SGCD: variants seen among roughly 807,000 people sequenced by gnomAD.
SGCD encodes delta-sarcoglycan.
SGCD carries 18 observed loss-of-function variants against 36.6 expected under a neutral mutation model. The observed-to-expected ratio is 0.49, with a 90% CI of 0.34 to 0.73. SGCD has a LOEUF of 0.73. SGCD is among the 30% of genes least tolerant of loss of function. The pLI is 0.01. For synonymous variants in SGCD, 133 were observed against 130.6 expected (o/e 1.02, Z -0.12); for missense variants, 387 against 346.7 (o/e 1.12, Z -0.92).
At chr5:156,618,853 T>C (rs1048560299) in intron 6 of SGCD, among the ~76,000 whole-genome samples, 1 of 151,902 alleles carries the variant, frequency 6.6e-6, no homozygotes, top group Admixed American at 6.6e-5. Context: ...TCCACAACCA[T>C]CCCAAGCAGC....
intron 1 of SGCD, among the ~76,000 whole-genome samples, chr5:156,112,131 C>G (rs1238268437): frequency 6.6e-6 from 1 of 152,046 alleles, no homozygotes; most frequent in East Asian, 1.9e-4. Flanking sequence ...TTTTATAAAC[C>G]ATTTTCTCCT....
chr5:155,944,776 C>T (rs1273552281), intron 1 of SGCD, among the ~76,000 whole-genome samples: 1 of 152,016 alleles, frequency 6.6e-6, no homozygotes, highest in Non-Finnish European at 1.5e-5. Context: ...AATTTGTTTC[C>T]AACTTCGGGT....
chr5:156,605,665 A>G (rs1240802870), intron 6 of SGCD, among the ~76,000 whole-genome samples: 1 of 152,214 alleles, frequency 6.6e-6, no homozygotes, highest in African/African-American at 2.4e-5. Context: ...AGTCCCACCA[A>G]CAGTGTAAAA....
At chr5:156,628,612 A>G (rs1051112438) in intron 6 of SGCD, among the ~76,000 whole-genome samples, 2 of 152,240 alleles carry the variant, frequency 1.3e-5, no homozygotes, top group Non-Finnish European at 2.9e-5. Context: ...ATCTTTGACA[A>G]GTAAAACTGA....
intron 3 of SGCD, among the ~76,000 whole-genome samples, chr5:156,462,070 A>G (rs1464956178): frequency 2.0e-5 from 3 of 152,210 alleles, no homozygotes; most frequent in Non-Finnish European, 4.4e-5. Flanking sequence ...TCAATTATAT[A>G]ATGACTCAGA....
chr5:156,216,200 C>T (rs1027491852), intron 3 of SGCD, among the ~76,000 whole-genome samples: 11 of 151,932 alleles, frequency 7.2e-5, no homozygotes, highest in Non-Finnish European at 1.5e-4. Flanking sequence ...TGTTGGTAAA[C>T]TGATAAAAAA....
At chr5:156,456,885 T>C (rs1389319012) in intron 3 of SGCD, among the ~76,000 whole-genome samples, 1 of 152,240 alleles carries the variant, frequency 6.6e-6, no homozygotes, top group Non-Finnish European at 1.5e-5. Context: ...TTAGTAATTA[T>C]AAATGGTTTG....
intron 6 of SGCD, among the ~76,000 whole-genome samples, chr5:156,624,972 T>A (rs901715767): frequency 1.3e-5 from 2 of 152,210 alleles, no homozygotes; most frequent in South Asian, 2.1e-4. Context: ...GTCATTTGAT[T>A]TGATTCCTAA....
At chr5:156,398,325 C>T (rs887005422) in intron 3 of SGCD, among the ~76,000 whole-genome samples, 1 of 152,146 alleles carries the variant, frequency 6.6e-6, no homozygotes, top group African/African-American at 2.4e-5. Context: ...AAGAGCCTCC[C>T]TCTAGGTTTG....
At chr5:156,087,423 G>A (rs1427000259) in intron 1 of SGCD, among the ~76,000 whole-genome samples, 2 of 152,056 alleles carry the variant, frequency 1.3e-5, no homozygotes, top group African/African-American at 4.8e-5. Flanking sequence ...TGGATCACCT[G>A]AGGTCAGGAG....
At chr5:156,006,815 T>C (rs1758767666) in intron 1 of SGCD, among the ~76,000 whole-genome samples, 1 of 152,204 alleles carries the variant, frequency 6.6e-6, no homozygotes, top group Admixed American at 6.5e-5. Context: ...AGCAGTCTAA[T>C]CACTCAAAAT....
upstream of SGCD, among the ~76,000 whole-genome samples, chr5:155,868,360 C>CTT (rs10532701): frequency 7.2e-5 from 8 of 110,706 alleles, no homozygotes; most frequent in East Asian, 5.3e-4. Flanking sequence ...CCCTTTTTTT[C>CTT]TTTTTTTTTT....
intron 1 of SGCD, among the ~76,000 whole-genome samples, chr5:155,948,143 G>C (rs1189991243): frequency 1.3e-5 from 2 of 152,044 alleles, no homozygotes; most frequent in African/African-American, 4.8e-5. Flanking sequence ...CAGTTGTGGT[G>C]GTGCATGCCT....
rs747018859 is a variant in SGCD, at chr5:156,508,594, A to G, written c.193-7A>G. The G allele has an allele frequency of 6.7e-5, 105 of 1,574,068 alleles. No individual in the cohort carries two copies. Among genetic ancestry groups the G allele is most frequent in the Non-Finnish European group, 8.5e-5 (97 of 1,144,234 alleles). ...ATCTTCCTTGTTATCTCTGTGTTCT[A>G]TTTCAGGATGGAATGGGAAACCTGA... On this transcript the variant is annotated splice_region_variant and splice_polypyrimidine_tract_variant and intron_variant, in intron 3 of 8. Transcript: ENST00000337851.
At chr5:156,684,957 T>A (rs1229781481) in intron 7 of SGCD, among the ~76,000 whole-genome samples, 1 of 152,104 alleles carries the variant, frequency 6.6e-6, no homozygotes, top group African/African-American at 2.4e-5. Flanking sequence ...CTGCAGTGGA[T>A]ATCATCTGCA....
At chr5:155,733,322 C>G in the SGCD span, among the ~76,000 whole-genome samples, 1 of 152,176 alleles carries the variant, frequency 6.6e-6, no homozygotes, top group Non-Finnish European at 1.5e-5. Flanking sequence ...CTCTTTCTGG[C>G]CCACTTAAAT....
chr5:156,588,636 G>A (rs1760590645), intron 4 of SGCD, among the ~76,000 whole-genome samples: 1 of 152,180 alleles, frequency 6.6e-6, no homozygotes. Flanking sequence ...CGGCCTAGAG[G>A]AAAAGGAATC....
intron 3 of SGCD, among the ~76,000 whole-genome samples, chr5:156,269,313 C>G (rs1049150108): frequency 2.0e-5 from 3 of 151,138 alleles, no homozygotes; most frequent in African/African-American, 7.3e-5. Context: ...ACTAAAAATA[C>G]AAAAAAATTA....
chr5:156,755,288 G>A lies in SGCD; in HGVS notation c.576-2293G>A, dbSNP rs143744546. 3.3e-5 allele frequency among the ~76,000 whole-genome samples: 5 copies of A among 152,304 alleles called. No homozygotes were observed. In the East Asian group the frequency reaches 9.7e-4, roughly 29 times the overall value. Reference sequence around the variant, plus strand: ...CTCTCACCTTGGCAAGGGGGATGATGGCAGTGACACTGGTAAGAGGTGAGC... The same window carrying A: ...CTCTCACCTTGGCAAGGGGGATGATAGCAGTGACACTGGTAAGAGGTGAGC... On this transcript the variant is annotated intron_variant, in intron 7 of 8. Transcript: ENST00000337851.
Sources: allele counts gnomAD v4.1 joint callset (sites outside exome capture counted in the v4.1 genomes callset), GRCh38; gene constraint gnomAD v4.1.1; transcripts MANE v1.5; gene names NCBI Gene and HGNC (gene_info 2026-07-23, HGNC 2026-07-21).